ATG7: variants seen among roughly 807,000 people sequenced by gnomAD.
ATG7 encodes the protein autophagy related 7.
In ATG7, 70 loss-of-function variants were observed where a neutral mutation model predicts 82.4. The ratio of observed to expected loss-of-function variants is 0.85; its 90% CI spans 0.70 to 1.04. The LOEUF (loss-of-function observed/expected upper bound fraction) is 1.04, where lower values mean the gene tolerates loss of function less well. Ranked by LOEUF, ATG7 falls within the 50% of genes least tolerant of loss-of-function variation. ATG7 has a pLI of 0.00. For missense variants in ATG7, 792 were observed against 864.3 expected (o/e 0.92, Z 1.05); for synonymous variants, 287 against 313.0 (o/e 0.92, Z 0.88).
chr3:11,391,288 T>C (rs1461145874), intron 19 of ATG7, among the ~76,000 whole-genome samples: 1 of 152,208 alleles, frequency 6.6e-6, no homozygotes, highest in African/African-American at 2.4e-5. Flanking sequence ...TCATGACAGC[T>C]GTAAATCTAG....
intron 20 of ATG7, among the ~76,000 whole-genome samples, chr3:11,513,284 C>T (rs958145013): frequency 5.9e-5 from 9 of 152,206 alleles, no homozygotes; most frequent in South Asian, 2.1e-4. Flanking sequence ...GACTGGGCGC[C>T]GTGGAGCAGG....
At chr3:11,501,250 C>G (rs1027266056) in intron 20 of ATG7, among the ~76,000 whole-genome samples, 4 of 152,102 alleles carry the variant, frequency 2.6e-5, no homozygotes, top group African/African-American at 9.7e-5. Flanking sequence ...AAGACCCTGT[C>G]TGAAAAGAAA....
chr3:11,533,076 C>T lies in ATG7; in HGVS notation c.2080-21735C>T, dbSNP rs560925842. Reference sequence around the variant, plus strand: ...AGGAAAGGTCAGAGACAGAGCAGCCCGGAGGTGCGCTGGTGCGCAGAGCAG... The same window carrying T: ...AGGAAAGGTCAGAGACAGAGCAGCCTGGAGGTGCGCTGGTGCGCAGAGCAG... On this transcript the variant is annotated intron_variant, in intron 20 of 20. Transcript: ENST00000693202. Among the ~76,000 whole-genome samples, 27 of 152,262 alleles carry T rather than the reference C, an allele frequency of 1.8e-4. No individual in the cohort carries two copies. In the South Asian group the frequency reaches 4.6e-3, roughly 26 times the overall value.
At chr3:11,549,202 A>G (rs1343215327) in intron 20 of ATG7, among the ~76,000 whole-genome samples, 6 of 152,218 alleles carry the variant, frequency 3.9e-5, no homozygotes, top group Admixed American at 2.0e-4. Context: ...GTAGGATTTC[A>G]TATAAATGAA....
chr3:11,354,611 T>C (rs1014557386), intron 14 of ATG7, among the ~76,000 whole-genome samples: 1 of 128,626 alleles, frequency 7.8e-6, no homozygotes, highest in African/African-American at 3.1e-5. Flanking sequence ...ATCACGCCAC[T>C]GCACTCCAGT....
At chr3:11,513,526 G>A (rs551399192) in intron 20 of ATG7, among the ~76,000 whole-genome samples, 70 of 152,330 alleles carry the variant, frequency 4.6e-4, no homozygotes, top group African/African-American at 1.6e-3. Context: ...AGGGCCAGCC[G>A]GCCGCTCCCA....
At chr3:11,425,353 T>C (rs1213758696) in intron 19 of ATG7, among the ~76,000 whole-genome samples, 1 of 152,250 alleles carries the variant, frequency 6.6e-6, no homozygotes, top group Non-Finnish European at 1.5e-5. Flanking sequence ...GTGGAATTGC[T>C]AGATTAAAGG....
At chr3:11,431,903 C>CTAGAATCA (rs1186830678) in intron 20 of ATG7, among the ~76,000 whole-genome samples, 3 of 152,160 alleles carry the variant, frequency 2.0e-5, no homozygotes, top group Non-Finnish European at 4.4e-5. Flanking sequence ...CATATCCAAG[C>CTAGAATCA]TAGAATCATC....
chr3:11,479,214 G>A (rs2088638949), intron 20 of ATG7, among the ~76,000 whole-genome samples: 1 of 152,160 alleles, frequency 6.6e-6, no homozygotes, highest in African/African-American at 2.4e-5. Context: ...ATAAAACAGT[G>A]ATTCCACAGA....
chr3:11,511,363 G>GAC (rs2092044633), intron 20 of ATG7, among the ~76,000 whole-genome samples: 1 of 152,104 alleles, frequency 6.6e-6, no homozygotes, highest in Non-Finnish European at 1.5e-5. Context: ...ACAGAGTTTC[G>GAC]ACACACAGGT....
chr3:11,508,077 G>T (rs887842335), intron 20 of ATG7, among the ~76,000 whole-genome samples: 1 of 152,106 alleles, frequency 6.6e-6, no homozygotes, highest in Non-Finnish European at 1.5e-5. Context: ...CATCTCTATG[G>T]AATTAAAACA....
chr3:11,299,350 G>A lies in ATG7; in HGVS notation c.161-12G>A. 6.2e-7 allele frequency: 1 copy of A among 1,606,044 alleles called. No homozygotes were observed. Among genetic ancestry groups the A allele is most frequent in the South Asian group, 1.1e-5 (1 of 90,914 alleles). On this transcript the variant is annotated splice_polypyrimidine_tract_variant and intron_variant, in intron 4 of 20. Transcript: ENST00000693202. ...GACTTGTCATTGAAAATGTGATAATGCTTCTGTCCAGGTGACTCTGCTGGG... is the reference window on the plus strand; with the variant it reads ...GACTTGTCATTGAAAATGTGATAATACTTCTGTCCAGGTGACTCTGCTGGG...
At chr3:11,385,307 C>T (rs1211332975) in intron 19 of ATG7, among the ~76,000 whole-genome samples, 1 of 152,190 alleles carries the variant, frequency 6.6e-6, no homozygotes, top group Non-Finnish European at 1.5e-5. Flanking sequence ...GGATTACAGG[C>T]GTGAGCCACT....
At position 11,309,580 on chromosome 3, in the gene ATG7, G is replaced by A. The variant is rs189926690; in HGVS notation, c.411+519G>A. ...TAACATGTGCTGCCCAGTGAAGAAG[G>A]GGTAGGATGTAGATGGAAGGACCTG... is the stretch of plus-strand genomic sequence containing the variant. On this transcript the variant is annotated intron_variant, in intron 7 of 20. Coordinates refer to ENST00000693202, the MANE Select transcript of ATG7 (RefSeq NM_001349232.2). 2.0e-5 allele frequency among the ~76,000 whole-genome samples: 3 copies of A among 152,146 alleles called. No individual in the cohort carries two copies. In the East Asian group the frequency reaches 5.8e-4, roughly 29 times the overall value.
intron 20 of ATG7, among the ~76,000 whole-genome samples, chr3:11,518,484 T>C (rs1019906851): frequency 6.6e-6 from 1 of 151,848 alleles, no homozygotes; most frequent in African/African-American, 2.4e-5. Flanking sequence ...AAGGTAGAGG[T>C]TGCAGTGGCC....
intron 20 of ATG7, among the ~76,000 whole-genome samples, chr3:11,541,091 G>A (rs1029410576): frequency 1.1e-4 from 17 of 151,974 alleles, no homozygotes; most frequent in South Asian, 2.1e-4. Flanking sequence ...TAGTAGAGAC[G>A]GGGTTTCACC....
rs1233530524 is a variant in ATG7, at chr3:11,399,149, A to T, written c.1956+19097A>T. Among the ~76,000 whole-genome samples the T allele has an allele frequency of 2.6e-5, 4 of 152,208 alleles. No homozygotes were observed. The East Asian group carries it at 7.7e-4, about 29-fold the overall frequency. On this transcript the variant is annotated intron_variant, in intron 19 of 20. Coordinates refer to ENST00000693202, the MANE Select transcript of ATG7 (RefSeq NM_001349232.2). ...GATCACTTAAGGCCAGGCATTCAAGACCAGCCTGGCCAACATGGTGAAACT... is the reference window on the plus strand; with the variant it reads ...GATCACTTAAGGCCAGGCATTCAAGTCCAGCCTGGCCAACATGGTGAAACT...
At chr3:11,414,911 C>T (rs929287864) in intron 19 of ATG7, among the ~76,000 whole-genome samples, 5 of 152,162 alleles carry the variant, frequency 3.3e-5, no homozygotes, top group Admixed American at 6.5e-5. Context: ...CCTACATGAT[C>T]GTGGCATATA....
intron 11 of ATG7, among the ~76,000 whole-genome samples, chr3:11,336,080 C>T (rs983432848): frequency 2.7e-5 from 4 of 145,692 alleles, no homozygotes; most frequent in African/African-American, 1.0e-4. Flanking sequence ...CGCTCTGTTG[C>T]CCAGACTGGA....
Sources: gnomAD v4.1 joint callset for allele counts (sites outside exome capture counted in the v4.1 genomes callset) on GRCh38, gnomAD v4.1.1 for gene constraint, MANE v1.5 for transcripts, NCBI Gene and HGNC (gene_info 2026-07-23, HGNC 2026-07-21) for gene names.